Variants in RXFP2 observed in about 807,000 individuals in gnomAD.
RXFP2 encodes relaxin family peptide receptor 2, also known as relaxin receptor 2.
In RXFP2, 68 loss-of-function variants were observed where a neutral mutation model predicts 88.6. The ratio of observed to expected loss-of-function variants is 0.77; its 90% CI spans 0.63 to 0.94. The LOEUF is 0.94. Among genes scored for constraint, RXFP2 ranks in the 40% least tolerant of loss-of-function variants. RXFP2 has a pLI of 0.00. For missense variants in RXFP2, 791 were observed against 893.9 expected (o/e 0.88, Z 1.47); for synonymous variants, 329 against 306.8 (o/e 1.07, Z -0.76).
chr13:31,797,099 C>T (rs1486803924), intron 16 of RXFP2, 102 bp from the exon 17 acceptor site: 4 of 838,134 alleles, frequency 4.8e-6, no homozygotes, highest in Admixed American at 1.9e-5. Context: ...CAAAACATTT[C>T]TGGTTTCAAA....
chr13:31,741,986 G>A (rs1037036252), intron 1 of RXFP2, among the ~76,000 whole-genome samples: 9 of 152,096 alleles, frequency 5.9e-5, no homozygotes, highest in Non-Finnish European at 1.0e-4. Flanking sequence ...TTGCGTTAAC[G>A]TAATTAGACT....
intron 4 of RXFP2, among the ~76,000 whole-genome samples, chr13:31,765,439 T>TG (rs1872510774): frequency 6.6e-6 from 1 of 152,074 alleles, no homozygotes. Flanking sequence ...ATGCTTTTTT[T>TG]TTTTGTTTTA....
At chr13:31,781,146 A>G (rs756760164) in intron 9 of RXFP2, among the ~76,000 whole-genome samples, 10 of 152,116 alleles carry the variant, frequency 6.6e-5, no homozygotes, top group Non-Finnish European at 1.3e-4. Context: ...GTTGGAGGGA[A>G]TGTGAGGATA....
intron 9 of RXFP2, among the ~76,000 whole-genome samples, 155 bp from the exon 10 acceptor site, chr13:31,781,516 T>C (rs1239548048): frequency 6.6e-6 from 1 of 150,976 alleles, no homozygotes; most frequent in Non-Finnish European, 1.5e-5. Context: ...GAAAGAAGCA[T>C]AATATTAGTT....
chr13:31,772,207 T>C (rs1252716870), intron 5 of RXFP2, among the ~76,000 whole-genome samples: 5 of 152,242 alleles, frequency 3.3e-5, no homozygotes, highest in African/African-American at 9.6e-5. Flanking sequence ...CTCCTCCTTA[T>C]TGTAACAAAA....
At chr13:31,756,360 C>G (rs1161779069) in intron 1 of RXFP2, among the ~76,000 whole-genome samples, 9 of 152,176 alleles carry the variant, frequency 5.9e-5, no homozygotes, top group African/African-American at 1.9e-4. Context: ...TTGCCATTAA[C>G]ATCAAATCAA....
intron 1 of RXFP2, among the ~76,000 whole-genome samples, chr13:31,741,926 C>T (rs967498443): frequency 2.0e-5 from 3 of 150,636 alleles, no homozygotes; most frequent in African/African-American, 7.3e-5. Flanking sequence ...TGTGGAATTT[C>T]AACCTGTTGA....
rs748423773 is a variant in RXFP2 at position 31,773,281 on chromosome 13, T to C, written c.498-1339T>C. Among the ~76,000 whole-genome samples the C allele has an allele frequency of 5.3e-5, 8 of 152,202 alleles. No homozygotes were observed. The South Asian group carries it at 6.2e-4, about 12-fold the overall frequency. On this transcript the variant is annotated intron_variant, in intron 5 of 17. Transcript: ENST00000298386. ...CAAGTTTACTTTGCAGGATTGAAATTGATGCTTTGCATATCACCACAGATG... is the reference window on the plus strand; with the variant it reads ...CAAGTTTACTTTGCAGGATTGAAATCGATGCTTTGCATATCACCACAGATG...
At chr13:31,792,343 C>G (rs1187547453) in intron 15 of RXFP2, among the ~76,000 whole-genome samples, 2 of 152,114 alleles carry the variant, frequency 1.3e-5, no homozygotes, top group African/African-American at 4.8e-5. Context: ...ACAATGATAC[C>G]TATGCTCATT....
At position 31,773,038 on chromosome 13, in the gene RXFP2, T is replaced by C. The variant is rs535893891; in HGVS notation, c.498-1582T>C. Reference sequence around the variant, plus strand: ...AATACAGTATTTTGCTCTTTTTCTATTTTCATTTGCTACTGTAACATAATT... The same window carrying C: ...AATACAGTATTTTGCTCTTTTTCTACTTTCATTTGCTACTGTAACATAATT... On this transcript the variant is annotated intron_variant, in intron 5 of 17. Transcript: ENST00000298386. Among the ~76,000 whole-genome samples, 591 of 152,350 alleles carry C rather than the reference T, an allele frequency of 3.9e-3. 1 individual carries two copies. Among genetic ancestry groups the C allele is most frequent in the Non-Finnish European group, 7.2e-3 (492 of 68,032 alleles).
chr13:31,756,829 C>T (rs938986521), intron 1 of RXFP2, among the ~76,000 whole-genome samples: 6 of 152,032 alleles, frequency 3.9e-5, no homozygotes, highest in Non-Finnish European at 7.4e-5. Context: ...CCATGTTGGC[C>T]AGGCTGGTCT....
Position 31,794,946 on chromosome 13 carries a change from A to T in RXFP2, c.1786+1858A>T, listed in dbSNP as rs531839125. 2.0e-5 allele frequency among the ~76,000 whole-genome samples: 3 copies of T among 152,286 alleles called. No homozygotes were observed. The East Asian group carries it at 5.8e-4, about 29-fold the overall frequency. ...CATCATCATCATCAATTTGCATATG[A>T]GAGGAAGAGTCCCAGAGCTCTAAAG... On this transcript the variant is annotated intron_variant, in intron 16 of 17. Coordinates refer to ENST00000298386, the MANE Select transcript of RXFP2 (RefSeq NM_130806.5).
intron 1 of RXFP2, among the ~76,000 whole-genome samples, chr13:31,757,965 G>A (rs185357516): frequency 3.1e-4 from 47 of 152,232 alleles, no homozygotes; most frequent in African/African-American, 8.9e-4. Context: ...GGTGGTTCAC[G>A]TCTGTAATCT....
At chr13:31,743,880 C>A (rs745989186) in intron 1 of RXFP2, among the ~76,000 whole-genome samples, 1 of 152,068 alleles carries the variant, frequency 6.6e-6, no homozygotes, top group Non-Finnish European at 1.5e-5. Context: ...TGGCTACATC[C>A]CATTCTCGGT....
chr13:31,778,968 C>T (rs1353927212), intron 9 of RXFP2, among the ~76,000 whole-genome samples: 2 of 152,086 alleles, frequency 1.3e-5, no homozygotes, highest in Non-Finnish European at 2.9e-5. Flanking sequence ...TAAACCTCAC[C>T]TCCAGGAGGT....
At chr13:31,800,857 C>A (rs1221350261) in intron 17 of RXFP2, among the ~76,000 whole-genome samples, 1 of 151,408 alleles carries the variant, frequency 6.6e-6, no homozygotes, top group Non-Finnish European at 1.5e-5. Flanking sequence ...AAATTAGGGA[C>A]AAATAATATA....
intron 8 of RXFP2, 79 bp downstream of exon 8, chr13:31,777,526 T>TA (rs890096830): frequency 5.2e-5 from 59 of 1,127,398 alleles, no homozygotes; most frequent in Non-Finnish European, 7.4e-5. Context: ...AAAGAACTTT[T>TA]AAAAAAATCA....
In RXFP2 at chr13:31,775,198, G is replaced by A. The variant is rs558170521; in HGVS notation, c.570-120G>A. The A allele has an allele frequency of 5.2e-5, 45 of 859,184 alleles. No individual in the cohort carries two copies. In the East Asian group the frequency reaches 9.0e-4, roughly 17 times the overall value. The allele number at this position is 859,184 out of a possible 1,614,324, so 53.2% of individuals were successfully genotyped here. A position where few individuals can be genotyped will look rare whatever the true frequency, so the allele number is the denominator to read the frequency against. ...ATTTGCCCCCTCTGCTCATTCAGCC[G>A]AATACTTTCAGACGCAGATGTCCAT... On this transcript the variant is annotated intron_variant, in intron 6 of 17. Coordinates refer to ENST00000298386, the MANE Select transcript of RXFP2 (RefSeq NM_130806.5).
At chr13:31,778,461 C>CTAAAAGT (rs1387988624) in intron 8 of RXFP2, 51 bp from the exon 9 acceptor site, 1 of 1,248,736 alleles carries the variant, frequency 8.0e-7, no homozygotes, top group African/African-American at 1.5e-5. Flanking sequence ...AAAGACTGTC[C>CTAAAAGT]TAAAAGTGTC....
Sources: gnomAD v4.1 joint callset for allele counts (sites outside exome capture counted in the v4.1 genomes callset) on GRCh38, gnomAD v4.1.1 for gene constraint, MANE v1.5 for transcripts, NCBI Gene and HGNC (gene_info 2026-07-23, HGNC 2026-07-21) for gene names.